ARB2A: variants seen among roughly 807,000 people sequenced by gnomAD.
ARB2A encodes ARB2 cotranscriptional regulator A, also known as cotranscriptional regulator ARB2A.
At chr5:94,015,333 T>C in the ARB2A span, among the ~76,000 whole-genome samples, 1 of 151,996 alleles carries the variant, frequency 6.6e-6, no homozygotes, top group Admixed American at 6.5e-5. Flanking sequence ...ATAAAGTCTT[T>C]CGTAGACAAA....
chr5:93,671,045 T>G, the ARB2A span, among the ~76,000 whole-genome samples: 1 of 152,218 alleles, frequency 6.6e-6, no homozygotes, highest in African/African-American at 2.4e-5. Flanking sequence ...ATGCTGACAC[T>G]GATTATGCAC....
the ARB2A span, among the ~76,000 whole-genome samples, chr5:94,062,950 C>T: frequency 2.0e-5 from 3 of 152,246 alleles, no homozygotes; most frequent in South Asian, 2.1e-4. Flanking sequence ...GGCAGCCCCA[C>T]AGCAGGCTGC....
the ARB2A span, among the ~76,000 whole-genome samples, chr5:93,663,372 TGAAGGAAAGCTAA>T: frequency 6.6e-6 from 1 of 152,216 alleles, no homozygotes. Context: ...CCCCTTCCCC[TGAAGGAAAGCTAA>T]AAGTTTCCTC....
At chr5:94,085,705 T>C in the ARB2A span, among the ~76,000 whole-genome samples, 3 of 152,136 alleles carry the variant, frequency 2.0e-5, no homozygotes, top group Admixed American at 6.6e-5. Flanking sequence ...ATCTTAGAAT[T>C]TGGCTACAAC....
chr5:93,773,936 A>G, the ARB2A span, among the ~76,000 whole-genome samples: 1 of 152,152 alleles, frequency 6.6e-6, no homozygotes, highest in Non-Finnish European at 1.5e-5. Flanking sequence ...CTTGGCTAAT[A>G]TTAAAAAATT....
chr5:93,841,526 A>C, the ARB2A span, among the ~76,000 whole-genome samples: 2 of 152,178 alleles, frequency 1.3e-5, no homozygotes. Context: ...GGCTGTCCTG[A>C]AACCAGTTCC....
the ARB2A span, among the ~76,000 whole-genome samples, chr5:94,076,825 A>G: frequency 2.2e-4 from 34 of 152,226 alleles, no homozygotes; most frequent in African/African-American, 8.2e-4. Context: ...TCCAAATATA[A>G]ACTATTAGAT....
chr5:93,728,278 T>C, the ARB2A span, among the ~76,000 whole-genome samples: 3 of 152,198 alleles, frequency 2.0e-5, no homozygotes, highest in Non-Finnish European at 4.4e-5. Flanking sequence ...AAGTCAATTG[T>C]TTGATATAAA....
chr5:93,777,317 A>T, the ARB2A span, among the ~76,000 whole-genome samples: 15,765 of 152,132 alleles, frequency 0.1, 994 homozygotes, highest in Middle Eastern at 0.17. Context: ...ATAATAATAA[A>T]AAAAAATCAC....
chr5:93,840,718 T>C, the ARB2A span, among the ~76,000 whole-genome samples: 16 of 152,140 alleles, frequency 1.1e-4, no homozygotes, highest in African/African-American at 3.9e-4. Context: ...GGTTTTTACA[T>C]TAGATATTAT....
chr5:93,648,761 C>T, the ARB2A span, among the ~76,000 whole-genome samples: 2 of 152,284 alleles, frequency 1.3e-5, no homozygotes, highest in Middle Eastern at 3.4e-3. Flanking sequence ...TTTCTGGCTA[C>T]CCTATCAATA....
At chr5:93,825,050 TA>T in the ARB2A span, among the ~76,000 whole-genome samples, 1 of 152,212 alleles carries the variant, frequency 6.6e-6, no homozygotes, top group Non-Finnish European at 1.5e-5. Context: ...ATTGTACTGG[TA>T]AAGCCATGTT....
the ARB2A span, among the ~76,000 whole-genome samples, chr5:94,038,323 A>AAG: frequency 6.6e-6 from 1 of 152,036 alleles, no homozygotes; most frequent in Non-Finnish European, 1.5e-5. Flanking sequence ...ATTCAACTCC[A>AAG]ATATATATTA....
chr5:93,767,737 G>A, the ARB2A span, among the ~76,000 whole-genome samples: 319 of 152,104 alleles, frequency 2.1e-3, 2 homozygotes, highest in Middle Eastern at 0.01. Context: ...GCTCACGTCT[G>A]TAATCCCAGG....
the ARB2A span, among the ~76,000 whole-genome samples, chr5:93,857,716 C>T: frequency 6.6e-6 from 1 of 152,198 alleles, no homozygotes; most frequent in Non-Finnish European, 1.5e-5. Flanking sequence ...GGAAAGGGAA[C>T]TCCCTGACCC....
chr5:93,872,713 C>T, the ARB2A span, among the ~76,000 whole-genome samples: 1 of 151,650 alleles, frequency 6.6e-6, no homozygotes, highest in Non-Finnish European at 1.5e-5. Context: ...GTCATGAGAT[C>T]GAGACCATCC....
the ARB2A span, among the ~76,000 whole-genome samples, chr5:94,094,739 C>G: frequency 6.2e-4 from 95 of 152,270 alleles, 1 homozygote; most frequent in East Asian, 9.5e-3. Context: ...ACAGACAGAA[C>G]AGTCCACAAA....
the ARB2A span, among the ~76,000 whole-genome samples, chr5:93,647,698 A>G: frequency 6.9e-6 from 1 of 144,200 alleles, no homozygotes; most frequent in African/African-American, 2.6e-5. Flanking sequence ...TAATTTTTGT[A>G]TTTTTAGTAG....
chr5:94,062,758 C>T, the ARB2A span, among the ~76,000 whole-genome samples: 2 of 152,212 alleles, frequency 1.3e-5, no homozygotes, highest in African/African-American at 4.8e-5. Context: ...TCCCCAGGAG[C>T]CAACAGCCCC....
Sources: gnomAD v4.1 joint callset for allele counts (sites outside exome capture counted in the v4.1 genomes callset) on GRCh38, gnomAD v4.1.1 for gene constraint, MANE v1.5 for transcripts, NCBI Gene and HGNC (gene_info 2026-07-23, HGNC 2026-07-21) for gene names.